Variants in TAF3 observed in about 807,000 individuals in gnomAD.
TAF3 encodes the protein transcription initiation factor TFIID subunit 3.
TAF3 carries 7 observed loss-of-function variants against 80.6 expected under a neutral mutation model. The ratio of observed to expected loss-of-function variants is 0.09; its 90% CI spans 0.05 to 0.16. The LOEUF is 0.16. Among genes scored for constraint, TAF3 ranks in the 10% least tolerant of loss-of-function variants. TAF3 has a pLI of 1.00. For missense variants in TAF3, 921 were observed against 1,140.2 expected (o/e 0.81, Z 2.77); for synonymous variants, 444 against 446.1 (o/e 1.00, Z 0.06).
At chr10:7,947,937 G>A (rs963576200) in intron 2 of TAF3, among the ~76,000 whole-genome samples, 3 of 152,188 alleles carry the variant, frequency 2.0e-5, no homozygotes, top group Non-Finnish European at 4.4e-5. Flanking sequence ...AATCACCCAT[G>A]TACAGACAGG....
At chr10:7,867,665 G>A (rs1837226512) in intron 2 of TAF3, among the ~76,000 whole-genome samples, 1 of 152,192 alleles carries the variant, frequency 6.6e-6, no homozygotes, top group Non-Finnish European at 1.5e-5. Context: ...GGCAGTTTTT[G>A]ATAAGGAGGA....
chr10:7,834,627 A>G (rs1013050074), intron 2 of TAF3, among the ~76,000 whole-genome samples: 17 of 152,102 alleles, frequency 1.1e-4, no homozygotes, highest in Admixed American at 7.2e-4. Context: ...CATATTTAGG[A>G]CTACAAGGTT....
chr10:7,943,608 A>T (rs547846431), intron 2 of TAF3, among the ~76,000 whole-genome samples: 1 of 152,240 alleles, frequency 6.6e-6, no homozygotes, highest in East Asian at 1.9e-4. Context: ...AAGAATAAAT[A>T]CTTGTCATTT....
chr10:7,948,224 T>A (rs1838045408), intron 2 of TAF3, among the ~76,000 whole-genome samples: 1 of 151,292 alleles, frequency 6.6e-6, no homozygotes, highest in Admixed American at 6.6e-5. Context: ...CACTGGGCCC[T>A]ACTAATTTTT....
chr10:7,950,541 G>A (rs1588563103), intron 2 of TAF3, among the ~76,000 whole-genome samples: 1 of 152,288 alleles, frequency 6.6e-6, no homozygotes, highest in Non-Finnish European at 1.5e-5. Context: ...TGCTTCTGAG[G>A]ATGGAATCAC....
chr10:7,963,086 C>T (rs1014059639), intron 2 of TAF3, among the ~76,000 whole-genome samples: 3 of 152,112 alleles, frequency 2.0e-5, no homozygotes, highest in Admixed American at 6.5e-5. Context: ...GTGCCTAAAC[C>T]AAGTGTATTT....
chr10:7,854,751 G>C (rs1837062409), intron 2 of TAF3, among the ~76,000 whole-genome samples: 1 of 152,160 alleles, frequency 6.6e-6, no homozygotes, highest in Non-Finnish European at 1.5e-5. Context: ...GGGGCTTCCT[G>C]GTTTGTGAAG....
At chr10:7,995,231 G>C (rs893830160) in intron 4 of TAF3, among the ~76,000 whole-genome samples, 1 of 151,868 alleles carries the variant, frequency 6.6e-6, no homozygotes, top group Non-Finnish European at 1.5e-5. Context: ...GTTTCTACAT[G>C]GTTATGTCAT....
intron 2 of TAF3, among the ~76,000 whole-genome samples, chr10:7,928,573 A>G (rs1179479022): frequency 1.3e-5 from 2 of 152,216 alleles, no homozygotes; most frequent in Non-Finnish European, 2.9e-5. Context: ...TGTAATTCCT[A>G]GGTGGGCCAG....
At chr10:7,917,896 C>T (rs1837726524) in intron 2 of TAF3, among the ~76,000 whole-genome samples, 1 of 152,100 alleles carries the variant, frequency 6.6e-6, no homozygotes, top group South Asian at 2.1e-4. Flanking sequence ...ATGGTTGGGG[C>T]AAAAGTCTGA....
At chr10:7,996,853 TTTTTTGTA>T (rs1274508640) in intron 4 of TAF3, among the ~76,000 whole-genome samples, 57 of 150,950 alleles carry the variant, frequency 3.8e-4, no homozygotes, top group African/African-American at 6.1e-4. Context: ...TTTTTTTTTT[TTTTTTGTA>T]TTTTTGTATT....
chr10:7,909,336 C>G (rs770951368), intron 2 of TAF3, among the ~76,000 whole-genome samples: 28 of 152,136 alleles, frequency 1.8e-4, no homozygotes, highest in Non-Finnish European at 3.7e-4. Context: ...AGGTGGAGGC[C>G]AGCTTAAGAA....
At chr10:7,863,131 T>C (rs1837164262) in intron 2 of TAF3, among the ~76,000 whole-genome samples, 2 of 152,212 alleles carry the variant, frequency 1.3e-5, no homozygotes, top group African/African-American at 4.8e-5. Context: ...GACTAACTTC[T>C]TGGAAGTAGG....
intron 2 of TAF3, among the ~76,000 whole-genome samples, chr10:7,841,357 C>G (rs1163957006): frequency 2.6e-5 from 4 of 152,184 alleles, no homozygotes; most frequent in Non-Finnish European, 5.9e-5. Flanking sequence ...AGGTCCTTCC[C>G]TGCTTTCCTA....
At chr10:7,949,832 A>C (rs75447938) in intron 2 of TAF3, among the ~76,000 whole-genome samples, 1,925 of 152,344 alleles carry the variant, frequency 0.013, 33 homozygotes, top group African/African-American at 0.045. Flanking sequence ...GAAGGGTTGC[A>C]GTGGCCAGTC....
intron 5 of TAF3, among the ~76,000 whole-genome samples, chr10:8,012,921 T>C (rs1305550631): frequency 6.6e-6 from 1 of 152,220 alleles, no homozygotes; most frequent in Non-Finnish European, 1.5e-5. Flanking sequence ...GAAGTTACCT[T>C]TTTCTTATTG....
chr10:7,944,652 C>A (rs1838007908), intron 2 of TAF3, among the ~76,000 whole-genome samples: 1 of 152,118 alleles, frequency 6.6e-6, no homozygotes, highest in Non-Finnish European at 1.5e-5. Flanking sequence ...TAATGGAATA[C>A]AAAGGGTTAT....
rs1832091936 is a variant in TAF3, at chr10:8,015,069, T to G, written c.*318T>G. The G allele has an allele frequency of 1.3e-5, 3 of 228,554 alleles. No homozygotes were observed. The South Asian group carries it at 2.0e-4, about 16-fold the overall frequency. 14.2% of individuals were successfully genotyped at this position (228,554 alleles called of 1,614,324 possible). A position where few individuals can be genotyped will look rare whatever the true frequency, so the allele number is the denominator to read the frequency against. Reference sequence around the variant, plus strand: ...GTACATCTTCCCTTTTGATTTCCTTTATTCTCTCCAGGGCCTTTTCATTGA... The same window carrying G: ...GTACATCTTCCCTTTTGATTTCCTTGATTCTCTCCAGGGCCTTTTCATTGA... On this transcript the variant is annotated 3_prime_UTR_variant, in exon 7 of 7. Coordinates refer to ENST00000344293, the MANE Select transcript of TAF3 (RefSeq NM_031923.4).
chr10:7,859,773 A>G (rs1043725523), intron 2 of TAF3, among the ~76,000 whole-genome samples: 4 of 152,122 alleles, frequency 2.6e-5, no homozygotes, highest in Admixed American at 6.6e-5. Context: ...ATTTTTGTCA[A>G]TTTTATTCAC....
Sources: gnomAD v4.1 joint callset for allele counts (sites outside exome capture counted in the v4.1 genomes callset) on GRCh38, gnomAD v4.1.1 for gene constraint, MANE v1.5 for transcripts, NCBI Gene and HGNC (gene_info 2026-07-23, HGNC 2026-07-21) for gene names.